CACNB4: variants seen among roughly 807,000 people sequenced by gnomAD.
CACNB4 encodes the protein calcium voltage-gated channel auxiliary subunit beta 4.
CACNB4 carries 32 observed loss-of-function variants against 71.2 expected under a neutral mutation model. The ratio of observed to expected loss-of-function variants is 0.45; its 90% CI spans 0.34 to 0.60. The LOEUF (loss-of-function observed/expected upper bound fraction) is 0.60. Ranked by LOEUF, CACNB4 falls within the 20% of genes least tolerant of loss-of-function variation. CACNB4 has a pLI of 0.01. For missense variants in CACNB4, 464 were observed against 647.9 expected, an observed-to-expected ratio of 0.72 and a Z score of 3.08; for synonymous variants, 231 against 236.9, an observed-to-expected ratio of 0.97 and a Z score of 0.23.
In CACNB4 at chr2:151,876,504, A is replaced by G. The variant is rs369887797; in HGVS notation, c.443T>C (p.Ile148Thr). The change falls in exon 5 of 14, where the codon ATT (isoleucine) becomes ACT (threonine). Residue 148 changes from isoleucine to threonine, a missense_variant. Ile to Thr is a moderately conservative substitution (Grantham distance 89). Coordinates refer to ENST00000539935, the MANE Select transcript of CACNB4 (RefSeq NM_000726.5). The part of the protein sequence containing the change: ...IGRLVKEGCE[I>T]GFIPSPLRLE... ...TCTGAGTGGACTTGGAATGAAGCCA[A>G]TTTCACAGCCCTCTTTCACCAGCCT... 40 of 1,603,388 alleles carry G rather than the reference A, an allele frequency of 2.5e-5. No homozygotes were observed. The highest frequency in any genetic ancestry group is 3.2e-5 in the Non-Finnish European group (37 of 1,172,760).
In CACNB4 at chr2:152,058,600, T is replaced by C. The variant is rs541841116; in HGVS notation, c.147+39730A>G. The stretch of plus-strand genomic sequence containing the variant: ...TGTGGAACTTTGAACTTGAGAGAGA[T>C]AATCTGAAATTGGAACTTATGTTTA... On this transcript the variant is annotated intron_variant, in intron 2 of 13. Transcript: ENST00000539935. 3.9e-5 allele frequency among the ~76,000 whole-genome samples: 6 copies of C among 152,300 alleles called. No homozygotes were observed. The South Asian group carries it at 6.2e-4, about 16-fold the overall frequency.
At chr2:152,067,392 G>C (rs13392724) in intron 2 of CACNB4, among the ~76,000 whole-genome samples, 5 of 150,488 alleles carry the variant, frequency 3.3e-5, no homozygotes, top group South Asian at 2.1e-4. Flanking sequence ...TGTGTGTGGG[G>C]GGGGGGGTGC....
At chr2:151,960,676 C>G (rs1167817845) in intron 2 of CACNB4, among the ~76,000 whole-genome samples, 1 of 152,190 alleles carries the variant, frequency 6.6e-6, no homozygotes, top group Non-Finnish European at 1.5e-5. Flanking sequence ...GTCCACCAGT[C>G]AAGGGTTAGT....
chr2:152,099,001 G>A lies in CACNB4; in HGVS notation c.11C>T (p.Ser4Phe). 6.5e-7 allele frequency: 1 copy of A among 1,535,458 alleles called. No homozygotes were observed. MSS[S>F]SYAKNGTADG... is the part of the protein sequence containing the mutation. ...CGCGGTCCCGTTCTTGGCGTAGGAG[G>A]AGGAGGACATCGTTCAGAGCCGCCG... Residue 4 changes from serine to phenylalanine, a missense_variant, in exon 1 of 14, where the codon TCC (serine) becomes TTC (phenylalanine). Coordinates refer to ENST00000539935, the MANE Select transcript of CACNB4 (RefSeq NM_000726.5).
At chr2:151,916,305 T>C (rs1455197294) in intron 2 of CACNB4, among the ~76,000 whole-genome samples, 4 of 147,600 alleles carry the variant, frequency 2.7e-5, no homozygotes, top group Non-Finnish European at 6.1e-5. Context: ...ATGGTCCTCT[T>C]GTGTGTGATT....
intron 2 of CACNB4, among the ~76,000 whole-genome samples, chr2:151,945,643 CCT>C (rs2099865364): frequency 6.6e-6 from 1 of 151,906 alleles, no homozygotes; most frequent in Admixed American, 6.6e-5. Context: ...AGAGTGAAAC[CCT>C]GTTTCAAATA....
intron 2 of CACNB4, among the ~76,000 whole-genome samples, chr2:151,951,518 G>T (rs973440582): frequency 2.0e-5 from 3 of 152,158 alleles, no homozygotes; most frequent in Non-Finnish European, 4.4e-5. Flanking sequence ...ATAGGTTTCG[G>T]TGTGCTCCTT....
At chr2:151,973,901 C>T in intron 2 of CACNB4, 2 of 1,403,646 alleles carry the variant, frequency 1.4e-6, no homozygotes, top group Non-Finnish European at 1.8e-6. Context: ...CAGAGGCAGT[C>T]CAGACCTGGC....
intron 2 of CACNB4, among the ~76,000 whole-genome samples, chr2:151,983,350 G>C (rs2099875045): frequency 6.6e-6 from 1 of 152,138 alleles, no homozygotes; most frequent in Non-Finnish European, 1.5e-5. Context: ...TTAGTTCTCA[G>C]TCTGATTGGT....
intron 12 of CACNB4, among the ~76,000 whole-genome samples, chr2:151,846,782 T>C (rs767119536): frequency 9.9e-5 from 15 of 152,086 alleles, no homozygotes; most frequent in Non-Finnish European, 2.2e-4. Flanking sequence ...ATTGAACTCA[T>C]GGGCTCAAGT....
At chr2:152,040,634 G>A (rs1456985903) in intron 2 of CACNB4, among the ~76,000 whole-genome samples, 1 of 152,114 alleles carries the variant, frequency 6.6e-6, no homozygotes, top group African/African-American at 2.4e-5. Context: ...TAGAGACGAG[G>A]TTTCACCATG....
At chr2:151,894,341 T>A (rs1053593046) in intron 2 of CACNB4, among the ~76,000 whole-genome samples, 1 of 152,154 alleles carries the variant, frequency 6.6e-6, no homozygotes, top group African/African-American at 2.4e-5. Flanking sequence ...AAAAGCCATA[T>A]GATCATTTCA....
intron 2 of CACNB4, among the ~76,000 whole-genome samples, chr2:151,947,626 G>C (rs2151651315): frequency 6.6e-6 from 1 of 152,278 alleles, no homozygotes; most frequent in East Asian, 1.9e-4. Flanking sequence ...CGGCTCCCTT[G>C]GTAGGGAGAA....
chr2:151,992,653 C>T (rs553511961), intron 2 of CACNB4, among the ~76,000 whole-genome samples: 122 of 152,284 alleles, frequency 8.0e-4, no homozygotes, highest in African/African-American at 2.6e-3. Context: ...AACCAGCACC[C>T]GGGGGAGCAG....
At position 152,089,442 on chromosome 2, in the gene CACNB4, G is replaced by C. The variant is rs1579278765; in HGVS notation, c.147+8888C>G. On this transcript the variant is annotated intron_variant, in intron 2 of 13. Transcript: ENST00000539935. ...ATTGTGCAACACACCGGATTCAGTGGAAGTGAAAAACAGTCCAGAAGCTCA... is the reference window on the plus strand; with the variant it reads ...ATTGTGCAACACACCGGATTCAGTGCAAGTGAAAAACAGTCCAGAAGCTCA... Among the ~76,000 whole-genome samples, 3 of 152,154 alleles carry C rather than the reference G, an allele frequency of 2.0e-5. No homozygotes were observed. The South Asian group carries it at 6.2e-4, about 32-fold the overall frequency.
chr2:152,023,475 C>T (rs1386552348), intron 2 of CACNB4, among the ~76,000 whole-genome samples: 1 of 152,110 alleles, frequency 6.6e-6, no homozygotes, highest in African/African-American at 2.4e-5. Flanking sequence ...ACTCTTGTCC[C>T]CCCGGCTGGA....
chr2:151,959,925 C>G (rs554498027), intron 2 of CACNB4, among the ~76,000 whole-genome samples: 3 of 152,174 alleles, frequency 2.0e-5, no homozygotes, highest in African/African-American at 7.2e-5. Context: ...AATATTACAG[C>G]TGAACTGATG....
At chr2:151,848,919 A>G (rs2099838303) in intron 12 of CACNB4, among the ~76,000 whole-genome samples, 1 of 152,222 alleles carries the variant, frequency 6.6e-6, no homozygotes. Context: ...GAGAAAAAGA[A>G]TATCAATACT....
At chr2:151,879,332 G>A (rs557245444) in intron 4 of CACNB4, among the ~76,000 whole-genome samples, 33 of 152,302 alleles carry the variant, frequency 2.2e-4, no homozygotes, top group Admixed American at 1.2e-3. Context: ...GACTCAGGAG[G>A]AATGAATTTT....
Sources: gnomAD v4.1 joint callset for allele counts (sites outside exome capture counted in the v4.1 genomes callset) on GRCh38, gnomAD v4.1.1 for gene constraint, MANE v1.5 for transcripts, NCBI Gene and HGNC (gene_info 2026-07-23, HGNC 2026-07-21) for gene names.